The following ATP10B variants were observed in gnomAD, a reference collection of about 807,000 sequenced individuals.
The protein encoded by ATP10B is phospholipid-transporting ATPase VB.
In ATP10B, 122 loss-of-function variants were observed where a neutral mutation model predicts 141.2. The observed-to-expected ratio is 0.86, with a 90% CI of 0.75 to 1.00. The LOEUF (loss-of-function observed/expected upper bound fraction) is 1.00, where lower values mean the gene tolerates loss of function less well. ATP10B is among the 50% of genes least tolerant of loss of function. The pLI, the probability that ATP10B is intolerant of heterozygous loss-of-function variation, is 0.00. For missense variants in ATP10B, 1,876 were observed against 1,825.3 expected, an observed-to-expected ratio of 1.03 and a Z score of -0.51; for synonymous variants, 685 against 692.0, an observed-to-expected ratio of 0.99 and a Z score of 0.16.
intron 2 of ATP10B, among the ~76,000 whole-genome samples, chr5:160,767,244 G>A (rs1769517625): frequency 6.6e-6 from 1 of 152,112 alleles, no homozygotes; most frequent in African/African-American, 2.4e-5. Flanking sequence ...TCTCTTCTTT[G>A]AATTTGTATT....
chr5:160,859,162 AT>A, the ATP10B span, among the ~76,000 whole-genome samples: 1 of 150,866 alleles, frequency 6.6e-6, no homozygotes, highest in African/African-American at 2.4e-5. Flanking sequence ...TTCCCCCTTT[AT>A]TTTTTTGTTT....
At chr5:160,752,391 G>A (rs1184985898) in intron 2 of ATP10B, among the ~76,000 whole-genome samples, 1 of 152,002 alleles carries the variant, frequency 6.6e-6, no homozygotes, top group Non-Finnish European at 1.5e-5. Flanking sequence ...CTGCAAATTT[G>A]TAATCCAATG....
chr5:160,641,994 T>A, intron 9 of ATP10B, among the ~76,000 whole-genome samples: 2 of 152,170 alleles, frequency 1.3e-5, no homozygotes, highest in East Asian at 3.9e-4. Context: ...CATTCAGGGA[T>A]CCTGGGACTA....
chr5:160,787,741 C>T (rs544834926), intron 1 of ATP10B, among the ~76,000 whole-genome samples: 1 of 152,054 alleles, frequency 6.6e-6, no homozygotes, highest in Non-Finnish European at 1.5e-5. Flanking sequence ...AAGATTGGGA[C>T]ACTCTGTGAT....
chr5:160,576,211 G>C (rs1480834233), intron 24 of ATP10B, among the ~76,000 whole-genome samples: 1 of 152,200 alleles, frequency 6.6e-6, no homozygotes, highest in Non-Finnish European at 1.5e-5. Flanking sequence ...GCTCTGGATT[G>C]TGTATCAGTC....
intron 15 of ATP10B, among the ~76,000 whole-genome samples, chr5:160,619,273 C>T (rs1421965): frequency 0.81 from 123,274 of 152,132 alleles, 50,115 homozygotes; most frequent in Middle Eastern, 0.87. Flanking sequence ...AACCTGAGGT[C>T]ATTTTCTCCC....
chr5:160,660,581 C>T (rs1438965000), intron 7 of ATP10B, among the ~76,000 whole-genome samples: 2 of 152,234 alleles, frequency 1.3e-5, no homozygotes, highest in South Asian at 2.1e-4. Context: ...AGGAGTGACC[C>T]AATACTTCAC....
chr5:160,566,594 G>A (rs1754551752), intron 25 of ATP10B, among the ~76,000 whole-genome samples: 1 of 152,110 alleles, frequency 6.6e-6, no homozygotes, highest in South Asian at 2.1e-4. Flanking sequence ...TTATCCCCCT[G>A]CCAAGCTGCA....
chr5:160,924,497 T>C, the ATP10B span, among the ~76,000 whole-genome samples: 4 of 152,216 alleles, frequency 2.6e-5, no homozygotes, highest in East Asian at 5.8e-4. Flanking sequence ...TGTTATTACA[T>C]GGGAAGCACC....
chr5:160,874,472 A>G, the ATP10B span, among the ~76,000 whole-genome samples: 1,900 of 152,272 alleles, frequency 0.012, 39 homozygotes, highest in African/African-American at 0.044. Flanking sequence ...TAAAACGCAG[A>G]GTGCCTCTCC....
chr5:160,834,509 T>C (rs756257942), intron 1 of ATP10B, among the ~76,000 whole-genome samples: 27 of 152,232 alleles, frequency 1.8e-4, no homozygotes, highest in Middle Eastern at 3.4e-3. Context: ...TTAATGGATC[T>C]GTACAAAAGG....
At chr5:160,815,557 A>G (rs530082217) in intron 1 of ATP10B, among the ~76,000 whole-genome samples, 1 of 138,978 alleles carries the variant, frequency 7.2e-6, no homozygotes, top group East Asian at 2.3e-4. Flanking sequence ...ACTCCCACAC[A>G]ATAATAATAC....
intron 2 of ATP10B, among the ~76,000 whole-genome samples, chr5:160,783,921 G>T (rs1328631084): frequency 1.3e-5 from 2 of 151,936 alleles, no homozygotes; most frequent in African/African-American, 4.8e-5. Context: ...TTTGATTATG[G>T]CCATTCTTGC....
intron 23 of ATP10B, among the ~76,000 whole-genome samples, chr5:160,590,195 G>A (rs1021268378): frequency 6.6e-6 from 1 of 152,192 alleles, no homozygotes; most frequent in Admixed American, 6.5e-5. Flanking sequence ...CAGAACGGAG[G>A]GTGAACACAG....
At chr5:160,900,372 G>C in the ATP10B span, among the ~76,000 whole-genome samples, 8 of 152,110 alleles carry the variant, frequency 5.3e-5, no homozygotes, top group Non-Finnish European at 1.0e-4. Context: ...CACAGGAAAC[G>C]GTTTCTGTCA....
chr5:160,695,321 A>G (rs1764295019), intron 3 of ATP10B, among the ~76,000 whole-genome samples: 1 of 151,778 alleles, frequency 6.6e-6, no homozygotes, highest in South Asian at 2.1e-4. Flanking sequence ...TGTCCAAAAC[A>G]ATGGCCTCCT....
intron 3 of ATP10B, among the ~76,000 whole-genome samples, chr5:160,706,649 GT>G (rs1400691275): frequency 2.6e-5 from 4 of 152,090 alleles, no homozygotes; most frequent in African/African-American, 9.7e-5. Context: ...GTAATTTCAG[GT>G]TTACAGAAAA....
intron 24 of ATP10B, among the ~76,000 whole-genome samples, chr5:160,586,030 A>T (rs1249036442): frequency 2.0e-5 from 3 of 152,222 alleles, no homozygotes; most frequent in Non-Finnish European, 1.5e-5. Flanking sequence ...TTACATAGGT[A>T]TACATGTGCC....
chr5:160,625,825 T>C (rs762259213), intron 13 of ATP10B, among the ~76,000 whole-genome samples: 1 of 152,240 alleles, frequency 6.6e-6, no homozygotes. Flanking sequence ...ACTGACTCCT[T>C]TCTAGGATAC....
Sources: allele counts gnomAD v4.1 joint callset (sites outside exome capture counted in the v4.1 genomes callset), GRCh38; gene constraint gnomAD v4.1.1; transcripts MANE v1.5; gene names NCBI Gene and HGNC (gene_info 2026-07-23, HGNC 2026-07-21).